Variants in CLUL1 observed in about 807,000 individuals in gnomAD.
CLUL1 encodes clusterin like 1.
CLUL1 carries 43 observed loss-of-function variants against 49.4 expected under a neutral mutation model. That is an observed-to-expected ratio of 0.87 (90% confidence interval 0.68 to 1.12). The LOEUF (loss-of-function observed/expected upper bound fraction) is 1.12, where lower values mean the gene tolerates loss of function less well. Ranked by LOEUF, CLUL1 falls within the 50% of genes most tolerant of loss-of-function variation. The probability of loss-of-function intolerance (pLI) is 0.00; values close to 1 mark genes in which losing one functional copy is unlikely to be tolerated. For missense variants in CLUL1, 486 were observed against 544.4 expected, an observed-to-expected ratio of 0.89 and a Z score of 1.07; for synonymous variants, 192 against 184.9, an observed-to-expected ratio of 1.04 and a Z score of -0.31.
chr18:645,810 A>AAAAATAT (rs1451607900), intron 9 of CLUL1, among the ~76,000 whole-genome samples: 14 of 29,856 alleles, frequency 4.7e-4, no homozygotes, highest in Non-Finnish European at 6.4e-4. Context: ...AAAAAAAAAA[A>AAAAATAT]ATATATATAT....
intron 2 of CLUL1, among the ~76,000 whole-genome samples, chr18:610,307 T>C (rs985791122): frequency 9.9e-5 from 15 of 152,216 alleles, no homozygotes; most frequent in African/African-American, 3.6e-4. Flanking sequence ...TCCATTCATG[T>C]GGGCCTTTAT....
intron 6 of CLUL1, among the ~76,000 whole-genome samples, chr18:627,990 A>AT (rs1336394775): frequency 1.3e-5 from 2 of 151,926 alleles, no homozygotes; most frequent in Non-Finnish European, 2.9e-5. Flanking sequence ...CGCCCAGCTA[A>AT]TTTTTTTGTA....
intron 8 of CLUL1, among the ~76,000 whole-genome samples, chr18:641,776 G>A (rs936606780): frequency 2.6e-5 from 4 of 152,140 alleles, no homozygotes; most frequent in African/African-American, 9.7e-5. Flanking sequence ...ATCTAGAAAT[G>A]GCTATTTCTG....
chr18:640,864 A>G (rs144769723), intron 7 of CLUL1, among the ~76,000 whole-genome samples: 24 of 152,060 alleles, frequency 1.6e-4, no homozygotes, highest in African/African-American at 5.5e-4. Flanking sequence ...ACTATTTACT[A>G]TACACTTTTG....
At chr18:625,560 C>CACACACACACA (rs1555633103) in intron 5 of CLUL1, among the ~76,000 whole-genome samples, 1 of 149,678 alleles carries the variant, frequency 6.7e-6, no homozygotes, top group African/African-American at 2.5e-5. Context: ...CACACACACA[C>CACACACACACA]CCCTTCATGT....
intron 2 of CLUL1, among the ~76,000 whole-genome samples, chr18:608,863 GA>G (rs2073054733): frequency 6.6e-6 from 1 of 152,148 alleles, no homozygotes; most frequent in Non-Finnish European, 1.5e-5. Flanking sequence ...CTATTTATAA[GA>G]CATGCATATA....
intron 7 of CLUL1, among the ~76,000 whole-genome samples, chr18:636,750 C>G (rs571345101): frequency 3.3e-5 from 5 of 150,588 alleles, no homozygotes; most frequent in Admixed American, 2.0e-4. Flanking sequence ...CTCAGCCTCT[C>G]GAGTAGCTGG....
chr18:620,017 T>A (rs940672895), intron 4 of CLUL1, among the ~76,000 whole-genome samples: 1 of 152,112 alleles, frequency 6.6e-6, no homozygotes, highest in African/African-American at 2.4e-5. Flanking sequence ...GCCCAGAGAT[T>A]TTTGGTCTCT....
intron 7 of CLUL1, among the ~76,000 whole-genome samples, chr18:634,157 CAG>C (rs1281977057): frequency 1.3e-5 from 2 of 152,080 alleles, no homozygotes; most frequent in South Asian, 2.1e-4. Flanking sequence ...TTTTATGAGA[CAG>C]AGTCTTGCTC....
intron 2 of CLUL1, among the ~76,000 whole-genome samples, chr18:613,828 T>C (rs2073214147): frequency 6.6e-6 from 1 of 152,164 alleles, no homozygotes; most frequent in African/African-American, 2.4e-5. Context: ...AATAAAACAT[T>C]TTCATTTATA....
At chr18:642,439 AC>A (rs2074370532) in intron 8 of CLUL1, among the ~76,000 whole-genome samples, 1 of 152,186 alleles carries the variant, frequency 6.6e-6, no homozygotes, top group Non-Finnish European at 1.5e-5. Flanking sequence ...CTCAAAAAAA[AC>A]AAAAATAAAA....
chr18:603,152 C>T (rs954449712), intron 1 of CLUL1, among the ~76,000 whole-genome samples: 3 of 152,024 alleles, frequency 2.0e-5, no homozygotes, highest in Admixed American at 1.3e-4. Flanking sequence ...AAAGTATGAG[C>T]CAGGACCAGC....
chr18:603,877 C>A (rs1234847538), intron 1 of CLUL1, among the ~76,000 whole-genome samples: 1 of 152,018 alleles, frequency 6.6e-6, no homozygotes, highest in Non-Finnish European at 1.5e-5. Flanking sequence ...CAGTGTGTAT[C>A]TTTTGGGATT....
At chr18:645,898 GATT>G (rs1188746906) in intron 9 of CLUL1, among the ~76,000 whole-genome samples, 1 of 129,086 alleles carries the variant, frequency 7.7e-6, no homozygotes, top group Non-Finnish European at 1.6e-5. Flanking sequence ...TGATTAAGTA[GATT>G]ATGACTAAAT....
rs571184119 is a variant in CLUL1, at chr18:619,463, A to G, written c.255+102A>G. On this transcript the variant is annotated intron_variant, in intron 4 of 9. Transcript: ENST00000692774. ...AATTACTTATTTTCCTTAGTAATAA[A>G]TTTCATGGGTAGCTGCTTTTATTTG... 9 of 1,084,358 alleles carry G rather than the reference A, an allele frequency of 8.3e-6. No individual in the cohort carries two copies. In the African/African-American group the frequency reaches 1.3e-4, roughly 16 times the overall value. 67.2% of individuals were successfully genotyped at this position (1,084,358 alleles called of 1,614,324 possible).
chr18:633,883 G>A (rs993302854), intron 7 of CLUL1, among the ~76,000 whole-genome samples: 4 of 147,320 alleles, frequency 2.7e-5, no homozygotes, highest in African/African-American at 7.6e-5. Context: ...GCGTGTAATC[G>A]AAAAAGGTTG....
chr18:621,075 G>A (rs1350595772), intron 4 of CLUL1, among the ~76,000 whole-genome samples: 1 of 152,096 alleles, frequency 6.6e-6, no homozygotes, highest in Non-Finnish European at 1.5e-5. Context: ...GTTCAGTAGT[G>A]TTAAATACAT....
At chr18:638,556 A>G (rs2074226456) in intron 7 of CLUL1, among the ~76,000 whole-genome samples, 1 of 152,156 alleles carries the variant, frequency 6.6e-6, no homozygotes, top group African/African-American at 2.4e-5. Context: ...TATTATAAAT[A>G]TATAAAGAAT....
intron 1 of CLUL1, among the ~76,000 whole-genome samples, chr18:601,644 T>TC: frequency 1.1e-5 from 1 of 93,078 alleles, no homozygotes; most frequent in East Asian, 2.7e-4. Context: ...AGACTCCATC[T>TC]CAAAAAAAAA....
Sources: gnomAD v4.1 joint callset for allele counts (sites outside exome capture counted in the v4.1 genomes callset) on GRCh38, gnomAD v4.1.1 for gene constraint, MANE v1.5 for transcripts, NCBI Gene and HGNC (gene_info 2026-07-23, HGNC 2026-07-21) for gene names.